The following GRIN2A variants were observed in gnomAD, a reference collection of about 807,000 sequenced individuals.
The protein encoded by GRIN2A is glutamate receptor ionotropic, NMDA 2A.
Under a neutral mutation model 113.4 loss-of-function variants are expected in GRIN2A, and 22 were observed. That is an observed-to-expected ratio of 0.19 (90% CI 0.14 to 0.28). The LOEUF (loss-of-function observed/expected upper bound fraction) is 0.28, where lower values mean the gene tolerates loss of function less well. GRIN2A is among the 10% of genes least tolerant of loss of function. The probability of loss-of-function intolerance (pLI) is 1.00; values close to 1 mark genes in which losing one functional copy is unlikely to be tolerated. For missense variants in GRIN2A, 1,502 were observed against 1,887.0 expected (o/e 0.80, Z 3.78); for synonymous variants, 827 against 738.4 (o/e 1.12, Z -1.94).
intron 2 of GRIN2A, among the ~76,000 whole-genome samples, chr16:10,021,460 C>T (rs1046821757): frequency 2.6e-5 from 4 of 152,140 alleles, no homozygotes; most frequent in African/African-American, 7.2e-5. Flanking sequence ...AGCAGTCTAC[C>T]GCAGACTCCA....
At chr16:9,939,664 A>G (rs1037630536) in intron 2 of GRIN2A, among the ~76,000 whole-genome samples, 1 of 152,164 alleles carries the variant, frequency 6.6e-6, no homozygotes, top group African/African-American at 2.4e-5. Context: ...CGAGGCTCAA[A>G]ACAGTCACAG....
chr16:9,793,325 G>C (rs1394397266), intron 11 of GRIN2A, among the ~76,000 whole-genome samples: 1 of 151,930 alleles, frequency 6.6e-6, no homozygotes, highest in Non-Finnish European at 1.5e-5. Flanking sequence ...CTTTTGTTCT[G>C]GCCCCCAGAT....
At chr16:9,872,028 A>C (rs1234028655) in intron 4 of GRIN2A, among the ~76,000 whole-genome samples, 1 of 152,302 alleles carries the variant, frequency 6.6e-6, no homozygotes, top group South Asian at 2.1e-4. Flanking sequence ...TAGGGGCAAT[A>C]ATAGTGCCAA....
At chr16:10,065,871 G>C (rs2047639494) in intron 2 of GRIN2A, among the ~76,000 whole-genome samples, 2 of 152,090 alleles carry the variant, frequency 1.3e-5, no homozygotes, top group Non-Finnish European at 2.9e-5. Context: ...AACATGGTTT[G>C]GTCATTCCTC....
intron 10 of GRIN2A, among the ~76,000 whole-genome samples, chr16:9,804,694 G>T (rs1193006318): frequency 6.6e-6 from 1 of 152,020 alleles, no homozygotes; most frequent in Non-Finnish European, 1.5e-5. Context: ...ACAGACCAAA[G>T]ACACCTTGGC....
chr16:9,950,044 T>G (rs2045140690), intron 2 of GRIN2A, among the ~76,000 whole-genome samples: 1 of 151,936 alleles, frequency 6.6e-6, no homozygotes, highest in Non-Finnish European at 1.5e-5. Flanking sequence ...CTGAGGAGGG[T>G]TGGGCTGGCA....
In GRIN2A at chr16:9,789,922, C is replaced by T. The variant is rs534405170; in HGVS notation, c.2356+8355G>A. On this transcript the variant is annotated intron_variant, in intron 11 of 12. Coordinates refer to ENST00000330684, the MANE Select transcript of GRIN2A (RefSeq NM_001134407.3). ...ATGGAAGAAAGGGAGAAACTGTGAA[C>T]AGGGCTGGTTTGTCAAAGAAAGACA... Among the ~76,000 whole-genome samples, 5 of 152,310 alleles carry T rather than the reference C, an allele frequency of 3.3e-5. No homozygotes were observed. The South Asian group carries it at 1.0e-3, about 32-fold the overall frequency.
Position 9,762,817 on chromosome 16 carries a change from A to G in GRIN2A, c.*332T>C, listed in dbSNP as rs1900644385. 9 of 439,490 alleles carry G rather than the reference A, an allele frequency of 2.0e-5. No individual in the cohort carries two copies. The highest frequency in any genetic ancestry group is 2.5e-5 in the Non-Finnish European group (6 of 242,706). The allele number at this position is 439,490 out of a possible 1,614,324, so 27.2% of individuals were successfully genotyped here. A position where few individuals can be genotyped will look rare whatever the true frequency, so the allele number is the denominator to read the frequency against. On this transcript the variant is annotated 3_prime_UTR_variant, in exon 13 of 13. Coordinates refer to ENST00000330684, the MANE Select transcript of GRIN2A (RefSeq NM_001134407.3). ...CCTTAATGGAATTTGGAATATAGGA[A>G]ATCATAACATCACCATTGGCATCCA...
At chr16:9,905,989 T>A (rs2044021554) in intron 3 of GRIN2A, among the ~76,000 whole-genome samples, 1 of 152,226 alleles carries the variant, frequency 6.6e-6, no homozygotes, top group South Asian at 2.1e-4. Context: ...TTTCTATTGT[T>A]TCTCCTTCAT....
intron 2 of GRIN2A, among the ~76,000 whole-genome samples, chr16:10,089,176 C>T (rs1952175623): frequency 6.6e-6 from 1 of 152,144 alleles, no homozygotes; most frequent in Admixed American, 6.5e-5. Context: ...CTGTAGTAAT[C>T]AATAGGGACA....
intron 2 of GRIN2A, among the ~76,000 whole-genome samples, chr16:10,126,164 TATATA>T (rs2048931910): frequency 2.2e-5 from 2 of 91,392 alleles, no homozygotes; most frequent in African/African-American, 3.6e-5. Flanking sequence ...TCTTTATATA[TATATA>T]TATTTTTTTT....
chr16:10,078,917 T>C (rs1673870349), intron 2 of GRIN2A, among the ~76,000 whole-genome samples: 1 of 152,252 alleles, frequency 6.6e-6, no homozygotes, highest in South Asian at 2.1e-4. Flanking sequence ...AACACTGTTG[T>C]GCATTCTGAA....
chr16:10,044,034 G>GAGAGAA lies in GRIN2A; in HGVS notation c.415-105484_415-105483insTTCTCT, dbSNP rs2047216907. Among the ~76,000 whole-genome samples the GAGAGAA allele has an allele frequency of 2.1e-5, 3 of 139,910 alleles. No homozygotes were observed. In the South Asian group the frequency reaches 6.9e-4, roughly 32 times the overall value. 91.8% of individuals were successfully genotyped at this position (139,910 alleles called of 152,430 possible). On this transcript the variant is annotated intron_variant, in intron 2 of 12. Coordinates refer to ENST00000330684, the MANE Select transcript of GRIN2A (RefSeq NM_001134407.3). ...ATATATATATATATAGAGAGAGAGA[G>GAGAGAA]AGAGAGAGAGAGACAGAGACAGAGA...
chr16:9,868,508 C>T (rs1426709457), intron 4 of GRIN2A, among the ~76,000 whole-genome samples: 1 of 152,156 alleles, frequency 6.6e-6, no homozygotes, highest in Non-Finnish European at 1.5e-5. Context: ...CTCAGGTGAT[C>T]TGCCTGCCTC....
At position 9,760,082 on chromosome 16, in the gene GRIN2A, G is replaced by A. The variant is rs374191190; in HGVS notation, c.*3067C>T. ...AAATATCATTATGGATGCCAGCTCT[G>A]ACTTAAGCCAGCTGAAACTCAGGCA... On this transcript the variant is annotated 3_prime_UTR_variant, in exon 13 of 13. Transcript: ENST00000330684. 7.5e-5 allele frequency: 17 copies of A among 227,604 alleles called. No homozygotes were observed. The highest frequency in any genetic ancestry group is 3.5e-4 in the African/African-American group (16 of 45,156). 14.1% of individuals were successfully genotyped at this position (227,604 alleles called of 1,614,324 possible). A position where few individuals can be genotyped will look rare whatever the true frequency, so the allele number is the denominator to read the frequency against.
intron 4 of GRIN2A, among the ~76,000 whole-genome samples, chr16:9,876,123 G>A (rs923122436): frequency 2.0e-5 from 3 of 152,066 alleles, no homozygotes; most frequent in African/African-American, 2.4e-5. Flanking sequence ...CACAATCTAA[G>A]CCCAGGGCAT....
rs113007842 is a variant in GRIN2A, at chr16:10,098,698, A to C, written c.414+81300T>G. 7.9e-3 allele frequency among the ~76,000 whole-genome samples: 1,210 copies of C among 152,340 alleles called. 19 individuals are homozygous for C. The highest frequency in any genetic ancestry group is 0.028 in the African/African-American group (1,160 of 41,584). On this transcript the variant is annotated intron_variant, in intron 2 of 12. Transcript: ENST00000330684. ...TGAAGACTATTATTCTAAGTAAAGT[A>C]ACTCAGGAATGGAGAACCAAACATT...
chr16:10,089,594 C>T (rs765501997), intron 2 of GRIN2A, among the ~76,000 whole-genome samples: 8 of 152,032 alleles, frequency 5.3e-5, no homozygotes, highest in Non-Finnish European at 1.2e-4. Flanking sequence ...GGTATGTGTG[C>T]TTCTTTCCGG....
At chr16:9,928,931 T>C (rs1278518364) in intron 3 of GRIN2A, among the ~76,000 whole-genome samples, 2 of 152,212 alleles carry the variant, frequency 1.3e-5, no homozygotes, top group Non-Finnish European at 2.9e-5. Flanking sequence ...TTACACATTT[T>C]TGGAAGGCCT....
Sources: gnomAD v4.1 joint callset for allele counts (sites outside exome capture counted in the v4.1 genomes callset) on GRCh38, gnomAD v4.1.1 for gene constraint, MANE v1.5 for transcripts, NCBI Gene and HGNC (gene_info 2026-07-23, HGNC 2026-07-21) for gene names.